DLG2: variants seen among roughly 807,000 people sequenced by gnomAD.
DLG2 encodes discs large MAGUK scaffold protein 2.
DLG2 carries 45 observed loss-of-function variants against 132.5 expected under a neutral mutation model. That is an observed-to-expected ratio of 0.34 (90% confidence interval 0.27 to 0.44). DLG2 has a LOEUF of 0.44. Among genes scored for constraint, DLG2 ranks in the 20% least tolerant of loss-of-function variants. DLG2 has a pLI of 1.00. For synonymous variants in DLG2, 424 were observed against 419.6 expected (o/e 1.01, Z -0.13); for missense variants, 1,045 against 1,196.9 (o/e 0.87, Z 1.87).
At chr11:84,115,003 T>C (rs114252511) in intron 9 of DLG2, among the ~76,000 whole-genome samples, 1,807 of 152,288 alleles carry the variant, frequency 0.012, 28 homozygotes, top group African/African-American at 0.034. Flanking sequence ...TAGCTATTAG[T>C]TACAGGCTTC....
intron 19 of DLG2, among the ~76,000 whole-genome samples, chr11:83,587,674 C>G (rs1295919910): frequency 6.6e-6 from 1 of 152,204 alleles, no homozygotes; most frequent in Non-Finnish European, 1.5e-5. Context: ...CGGTCTACAG[C>G]TCCCAGCGTG....
intron 6 of DLG2, among the ~76,000 whole-genome samples, chr11:84,572,500 T>G (rs2154527951): frequency 6.6e-6 from 1 of 152,270 alleles, no homozygotes; most frequent in African/African-American, 2.4e-5. Context: ...ACTGAGATAC[T>G]TTAGGCCCAC....
chr11:84,616,540 C>T (rs962022075), intron 6 of DLG2, among the ~76,000 whole-genome samples: 2 of 151,956 alleles, frequency 1.3e-5, no homozygotes, highest in African/African-American at 4.8e-5. Context: ...TTAATTGAAG[C>T]CTCTCATAAA....
Position 85,591,297 on chromosome 11 carries a change from G to A in DLG2, c.40+7360C>T, listed in dbSNP as rs118020960. On this transcript the variant is annotated intron_variant, in intron 3 of 27. Transcript: ENST00000376104. Reference sequence around the variant, plus strand: ...CTTTGGAAGAGACTTGTATCTAACAGGATGCCCTATACAACTCCTAGAAGA... The same window carrying A: ...CTTTGGAAGAGACTTGTATCTAACAAGATGCCCTATACAACTCCTAGAAGA... Among the ~76,000 whole-genome samples the A allele has an allele frequency of 5.3e-5, 8 of 152,274 alleles. No homozygotes were observed. In the East Asian group the frequency reaches 1.5e-3, roughly 29 times the overall value.
intron 19 of DLG2, among the ~76,000 whole-genome samples, chr11:83,579,315 C>T (rs1374559980): frequency 2.0e-5 from 3 of 152,174 alleles, no homozygotes; most frequent in Non-Finnish European, 4.4e-5. Context: ...ATATTATGCT[C>T]TATTTTCTCA....
At chr11:83,478,126 T>C (rs1452589254) in intron 22 of DLG2, among the ~76,000 whole-genome samples, 1 of 152,160 alleles carries the variant, frequency 6.6e-6, no homozygotes, top group Admixed American at 6.5e-5. Flanking sequence ...ATATTCACAA[T>C]GGGTCTCATG....
chr11:84,569,074 T>C (rs2099469919), intron 6 of DLG2, among the ~76,000 whole-genome samples: 2 of 152,124 alleles, frequency 1.3e-5, no homozygotes, highest in Admixed American at 6.6e-5. Flanking sequence ...ATCAGCTTTG[T>C]AGTGCCCAGC....
intron 6 of DLG2, among the ~76,000 whole-genome samples, chr11:84,628,041 C>G (rs919300727): frequency 6.6e-6 from 1 of 151,836 alleles, no homozygotes; most frequent in Admixed American, 6.6e-5. Context: ...ATTACTAGAC[C>G]TCCCAAAAGT....
At chr11:85,582,658 T>TAAA (rs2078613025) in intron 3 of DLG2, among the ~76,000 whole-genome samples, 1 of 10,534 alleles carries the variant, frequency 9.5e-5, no homozygotes, top group Non-Finnish European at 1.9e-4. Context: ...ACCCCATCTC[T>TAAA]ACAAAAAAAA....
rs77601804 is a variant in DLG2 at position 84,496,800 on chromosome 11, T to C, written c.519+37770A>G. Among the ~76,000 whole-genome samples, 929 of 152,282 alleles carry C rather than the reference T, an allele frequency of 6.1e-3. 11 individuals carry two copies. The highest frequency in any genetic ancestry group is 0.022 in the African/African-American group (905 of 41,560). On this transcript the variant is annotated intron_variant, in intron 7 of 27. Transcript: ENST00000376104. ...TCACTGGAATAAAAAGGAAGCCCCATGTGAAATGTGACTTTAATTAGCCTC... is the reference window on the plus strand; with the variant it reads ...TCACTGGAATAAAAAGGAAGCCCCACGTGAAATGTGACTTTAATTAGCCTC...
At position 85,501,802 on chromosome 11, in the gene DLG2, T is replaced by A. The variant is rs2093810734; in HGVS notation, c.40+96855A>T. Among the ~76,000 whole-genome samples the A allele has an allele frequency of 2.0e-5, 3 of 152,214 alleles. No individual in the cohort carries two copies. The South Asian group carries it at 6.2e-4, about 32-fold the overall frequency. ...TGGAGAGGTTGTGAAAAATAGGAACTCTTTTACATTGTTGGTGGGAGTATA... is the reference window on the plus strand; with the variant it reads ...TGGAGAGGTTGTGAAAAATAGGAACACTTTTACATTGTTGGTGGGAGTATA... On this transcript the variant is annotated intron_variant, in intron 3 of 27. Coordinates refer to ENST00000376104, the MANE Select transcript of DLG2 (RefSeq NM_001142699.3).
At chr11:85,434,222 A>G (rs562719852) in intron 3 of DLG2, among the ~76,000 whole-genome samples, 1 of 152,322 alleles carries the variant, frequency 6.6e-6, no homozygotes, top group South Asian at 2.1e-4. Context: ...AGAAAGCTAG[A>G]AAGATCTCAA....
At chr11:84,202,374 T>C (rs2096607181) in intron 8 of DLG2, among the ~76,000 whole-genome samples, 1 of 152,088 alleles carries the variant, frequency 6.6e-6, no homozygotes, top group South Asian at 2.1e-4. Context: ...AGGAAAGGAT[T>C]CTCTATTTAA....
At chr11:85,509,512 C>T (rs2094009138) in intron 3 of DLG2, among the ~76,000 whole-genome samples, 1 of 151,996 alleles carries the variant, frequency 6.6e-6, no homozygotes, top group Non-Finnish European at 1.5e-5. Context: ...AGAGGAAAGA[C>T]AATCTAAGGA....
At chr11:84,607,260 T>C (rs2099587487) in intron 6 of DLG2, among the ~76,000 whole-genome samples, 1 of 152,194 alleles carries the variant, frequency 6.6e-6, no homozygotes, top group African/African-American at 2.4e-5. Context: ...ATGCTAACTC[T>C]TAAACAAGGT....
intron 18 of DLG2, among the ~76,000 whole-genome samples, chr11:83,769,566 T>C (rs2153786841): frequency 6.7e-6 from 1 of 150,282 alleles, no homozygotes; most frequent in African/African-American, 2.4e-5. Context: ...GCTTCTTTTT[T>C]TTTTTTTTTT....
chr11:83,621,869 C>G (rs1406396417), intron 19 of DLG2, among the ~76,000 whole-genome samples: 1 of 152,062 alleles, frequency 6.6e-6, no homozygotes, highest in African/African-American at 2.4e-5. Context: ...CGTCCCACAC[C>G]TGGCATTATG....
At chr11:84,445,687 C>A (rs540142374) in intron 7 of DLG2, among the ~76,000 whole-genome samples, 1 of 151,898 alleles carries the variant, frequency 6.6e-6, no homozygotes, top group Admixed American at 6.6e-5. Flanking sequence ...GAGGCCGAGG[C>A]GGGTGGATCA....
At chr11:85,344,370 TTTTG>T (rs758180645) in intron 3 of DLG2, among the ~76,000 whole-genome samples, 6 of 152,168 alleles carry the variant, frequency 3.9e-5, no homozygotes, top group Non-Finnish European at 7.4e-5. Context: ...CGAGGCTTAG[TTTTG>T]TTACGGGAAT....
Sources: gnomAD v4.1 joint callset for allele counts (sites outside exome capture counted in the v4.1 genomes callset) on GRCh38, gnomAD v4.1.1 for gene constraint, MANE v1.5 for transcripts, NCBI Gene and HGNC (gene_info 2026-07-23, HGNC 2026-07-21) for gene names.